The following CADM2 variants were observed in gnomAD, a reference collection of about 807,000 sequenced individuals.
CADM2 encodes cell adhesion molecule 2.
In CADM2, 12 loss-of-function variants were observed where a neutral mutation model predicts 49.8. That is an observed-to-expected ratio of 0.24 (90% CI 0.15 to 0.39). The LOEUF (loss-of-function observed/expected upper bound fraction) is 0.39, where lower values mean the gene tolerates loss of function less well. Ranked by LOEUF, CADM2 falls within the 10% of genes least tolerant of loss-of-function variation. The probability of loss-of-function intolerance (pLI) is 1.00; values close to 1 mark genes in which losing one functional copy is unlikely to be tolerated. For synonymous variants in CADM2, 214 were observed against 175.4 expected, an observed-to-expected ratio of 1.22 and a Z score of -1.74; for missense variants, 378 against 492.3, an observed-to-expected ratio of 0.77 and a Z score of 2.20.
At chr3:85,201,533 A>T (rs757463693) in intron 1 of CADM2, among the ~76,000 whole-genome samples, 3 of 152,200 alleles carry the variant, frequency 2.0e-5, no homozygotes, top group Admixed American at 6.5e-5. Flanking sequence ...TAATGCAATG[A>T]TGAAGTTTGC....
intron 1 of CADM2, among the ~76,000 whole-genome samples, chr3:85,616,305 G>T (rs1023546946): frequency 6.6e-6 from 1 of 151,648 alleles, no homozygotes; most frequent in African/African-American, 2.4e-5. Context: ...AGTTTTCAAA[G>T]CACAATATTA....
chr3:85,016,082 A>ATATC (rs1414300876), intron 1 of CADM2, among the ~76,000 whole-genome samples: 1 of 152,180 alleles, frequency 6.6e-6, no homozygotes, highest in Non-Finnish European at 1.5e-5. Context: ...CCAGCAACAT[A>ATATC]TATCTGAATG....
chr3:85,951,556 A>T (rs1723426417), intron 7 of CADM2, among the ~76,000 whole-genome samples: 1 of 151,028 alleles, frequency 6.6e-6, no homozygotes, highest in African/African-American at 2.4e-5. Context: ...ATATTATGTT[A>T]AACAGCTCTG....
At chr3:85,292,532 C>T (rs915762051) in intron 1 of CADM2, among the ~76,000 whole-genome samples, 5 of 151,670 alleles carry the variant, frequency 3.3e-5, no homozygotes, top group African/African-American at 1.2e-4. Flanking sequence ...TGACCACATA[C>T]TTGGAAGTAA....
At position 85,553,144 on chromosome 3, in the gene CADM2, T is replaced by A. The variant is rs190348714; in HGVS notation, c.62-173378T>A. ...TACTAGGGGTCTCTAAGTCAGTAAA[T>A]AACCGACCAAGAGAAAAACAAAACA... On this transcript the variant is annotated intron_variant, in intron 1 of 9. Transcript: ENST00000383699. Among the ~76,000 whole-genome samples, 4 of 152,132 alleles carry A rather than the reference T, an allele frequency of 2.6e-5. No homozygotes were observed. The East Asian group carries it at 7.7e-4, about 29-fold the overall frequency.
At chr3:85,009,739 A>C (rs2033897689) in intron 1 of CADM2, among the ~76,000 whole-genome samples, 1 of 151,874 alleles carries the variant, frequency 6.6e-6, no homozygotes, top group South Asian at 2.1e-4. Context: ...GGCAGCGTGC[A>C]CCTGTAGTCC....
chr3:85,161,391 C>T lies in CADM2; in HGVS notation c.61+201723C>T, dbSNP rs114762509. Among the ~76,000 whole-genome samples the T allele has an allele frequency of 7.1e-4, 108 of 152,110 alleles. 1 individual carries two copies. Among genetic ancestry groups the T allele is most frequent in the Non-Finnish European group, 3.5e-4 (24 of 67,992 alleles). ...CTCCTGTTTCTGTATGCCAGAGGTACGCCCTGGGCTCCTTCCATTTTCTTA... is the reference window on the plus strand; with the variant it reads ...CTCCTGTTTCTGTATGCCAGAGGTATGCCCTGGGCTCCTTCCATTTTCTTA... On this transcript the variant is annotated intron_variant, in intron 1 of 9. Transcript: ENST00000383699.
chr3:85,619,480 C>T (rs1230206525), intron 1 of CADM2, among the ~76,000 whole-genome samples: 1 of 152,122 alleles, frequency 6.6e-6, no homozygotes, highest in African/African-American at 2.4e-5. Flanking sequence ...AAAATATCCT[C>T]TGGTCTGTGG....
chr3:85,092,488 A>C (rs2037634381), intron 1 of CADM2, among the ~76,000 whole-genome samples: 1 of 152,192 alleles, frequency 6.6e-6, no homozygotes, highest in Non-Finnish European at 1.5e-5. Context: ...AGCATTTAGC[A>C]CTGCTCCTGA....
chr3:85,622,281 A>T (rs748230257), intron 1 of CADM2, among the ~76,000 whole-genome samples: 9 of 152,160 alleles, frequency 5.9e-5, no homozygotes, highest in Non-Finnish European at 1.2e-4. Context: ...CAAAGCTTCT[A>T]TCTAGTGTTT....
At chr3:85,749,035 T>C (rs1258773372) in intron 2 of CADM2, among the ~76,000 whole-genome samples, 1 of 152,116 alleles carries the variant, frequency 6.6e-6, no homozygotes, top group Non-Finnish European at 1.5e-5. Context: ...TTATGATTCA[T>C]ATCTAATGCA....
intron 5 of CADM2, among the ~76,000 whole-genome samples, chr3:85,888,958 C>T (rs1322217968): frequency 6.6e-6 from 1 of 152,102 alleles, no homozygotes; most frequent in Non-Finnish European, 1.5e-5. Flanking sequence ...TTTAAAAAGA[C>T]ACTCCCTAGC....
At chr3:85,194,869 A>G (rs978290316) in intron 1 of CADM2, among the ~76,000 whole-genome samples, 2 of 151,522 alleles carry the variant, frequency 1.3e-5, no homozygotes, top group African/African-American at 4.8e-5. Context: ...AACAAATATT[A>G]AAAAAAAATC....
intron 1 of CADM2, among the ~76,000 whole-genome samples, chr3:85,478,403 A>T (rs879124396): frequency 1.3e-5 from 2 of 151,944 alleles, no homozygotes; most frequent in South Asian, 2.1e-4. Context: ...TATTTGAGTA[A>T]TCTGTCTCTA....
chr3:85,172,161 A>T (rs747340939), intron 1 of CADM2, among the ~76,000 whole-genome samples: 4 of 152,202 alleles, frequency 2.6e-5, no homozygotes, highest in Non-Finnish European at 5.9e-5. Flanking sequence ...GGGGATGAAT[A>T]TTCTCTAATG....
chr3:85,276,731 T>C (rs1576263585), intron 1 of CADM2, among the ~76,000 whole-genome samples: 1 of 151,160 alleles, frequency 6.6e-6, no homozygotes, highest in East Asian at 1.9e-4. Flanking sequence ...AGTAGCAAAG[T>C]GTACAGTATA....
At chr3:86,019,687 G>A (rs1288152319) in intron 8 of CADM2, among the ~76,000 whole-genome samples, 2 of 152,016 alleles carry the variant, frequency 1.3e-5, no homozygotes, top group East Asian at 1.9e-4. Flanking sequence ...TTTGTCTGTT[G>A]TTGGTGTATA....
At chr3:85,288,793 C>CCG (rs1553704690) in intron 1 of CADM2, among the ~76,000 whole-genome samples, 5 of 136,242 alleles carry the variant, frequency 3.7e-5, no homozygotes, top group Admixed American at 2.3e-4. Flanking sequence ...TGCCCCCCCC[C>CCG]CCTCTTTTTT....
chr3:85,618,075 G>T (rs1014383683), intron 1 of CADM2, among the ~76,000 whole-genome samples: 2 of 152,096 alleles, frequency 1.3e-5, no homozygotes, highest in Admixed American at 1.3e-4. Context: ...GGAGGAAAGT[G>T]TGTTAAAAAT....
Sources: allele counts gnomAD v4.1 joint callset (sites outside exome capture counted in the v4.1 genomes callset), GRCh38; gene constraint gnomAD v4.1.1; transcripts MANE v1.5; gene names NCBI Gene and HGNC (gene_info 2026-07-23, HGNC 2026-07-21).